The following EEPD1 variants were observed in gnomAD, a reference collection of about 807,000 sequenced individuals.
EEPD1 encodes endonuclease/exonuclease/phosphatase family domain containing 1.
EEPD1 carries 17 observed loss-of-function variants against 46.3 expected under a neutral mutation model. That is an observed-to-expected ratio of 0.37 (90% CI 0.25 to 0.55). The LOEUF is 0.55. Ranked by LOEUF, EEPD1 falls within the 20% of genes least tolerant of loss-of-function variation. The pLI, the probability that EEPD1 is intolerant of heterozygous loss-of-function variation, is 0.83. For synonymous variants in EEPD1, 313 were observed against 315.6 expected (o/e 0.99, Z 0.09); for missense variants, 673 against 745.6 (o/e 0.90, Z 1.13).
At chr7:36,163,371 G>A (rs923020393) in intron 2 of EEPD1, among the ~76,000 whole-genome samples, 6 of 151,870 alleles carry the variant, frequency 4.0e-5, no homozygotes, top group Non-Finnish European at 4.4e-5. Flanking sequence ...ACTCGATGGT[G>A]TACTTTTAGT....
At position 36,282,409 on chromosome 7, in the gene EEPD1, C is replaced by T. The variant is rs139919224; in HGVS notation, c.1041+1184C>T. ...AAAACTCCATGCCTGCATGTTTTCA[C>T]TCTTTGCAAGACACAGTGGGGATCC... On this transcript the variant is annotated intron_variant, in intron 4 of 7. Coordinates refer to ENST00000242108, the MANE Select transcript of EEPD1 (RefSeq NM_030636.3). Among the ~76,000 whole-genome samples the T allele has an allele frequency of 1.4e-4, 21 of 152,334 alleles. No individual in the cohort carries two copies. In the East Asian group the frequency reaches 4.1e-3, roughly 29 times the overall value.
chr7:36,253,700 A>C (rs745680199), intron 3 of EEPD1, among the ~76,000 whole-genome samples: 2 of 151,942 alleles, frequency 1.3e-5, no homozygotes, highest in Non-Finnish European at 1.5e-5. Context: ...GTTCCTCTTC[A>C]CCTCTAGTAA....
intron 5 of EEPD1, among the ~76,000 whole-genome samples, chr7:36,285,530 G>C (rs568401250): frequency 1.3e-5 from 2 of 152,270 alleles, no homozygotes; most frequent in South Asian, 4.1e-4. Context: ...GATGCCCTTG[G>C]GAAGTGTTAA....
At chr7:36,288,082 A>T (rs1787369264) in intron 6 of EEPD1, among the ~76,000 whole-genome samples, 1 of 152,168 alleles carries the variant, frequency 6.6e-6, no homozygotes, top group South Asian at 2.1e-4. Flanking sequence ...AAGACAGCTC[A>T]TCCTGGGACC....
intron 3 of EEPD1, among the ~76,000 whole-genome samples, chr7:36,278,517 G>T (rs1232840704): frequency 6.9e-6 from 1 of 144,042 alleles, no homozygotes; most frequent in Non-Finnish European, 1.5e-5. Context: ...GGTGGGGGGG[G>T]CGCTTCTTAA....
chr7:36,187,597 T>C (rs1255474017), intron 2 of EEPD1, among the ~76,000 whole-genome samples: 1 of 152,246 alleles, frequency 6.6e-6, no homozygotes, highest in African/African-American at 2.4e-5. Context: ...TTTTAAGGCC[T>C]GATAATATTT....
chr7:36,176,181 C>G (rs1271232600), intron 2 of EEPD1, among the ~76,000 whole-genome samples: 1 of 152,194 alleles, frequency 6.6e-6, no homozygotes, highest in Non-Finnish European at 1.5e-5. Context: ...CCTGGCCTCT[C>G]AGGGCAGAAC....
chr7:36,252,992 C>T (rs1036370238), intron 3 of EEPD1, among the ~76,000 whole-genome samples: 1 of 151,380 alleles, frequency 6.6e-6, no homozygotes, highest in African/African-American at 2.4e-5. Flanking sequence ...ATGTTTCTCT[C>T]CTTCTCCTTC....
intron 3 of EEPD1, among the ~76,000 whole-genome samples, chr7:36,270,354 A>G (rs1413445493): frequency 6.6e-6 from 1 of 152,078 alleles, no homozygotes; most frequent in African/African-American, 2.4e-5. Flanking sequence ...ACATGTGCAG[A>G]ACGTGCAGGT....
At chr7:36,266,566 T>C (rs1353203767) in intron 3 of EEPD1, among the ~76,000 whole-genome samples, 1 of 152,266 alleles carries the variant, frequency 6.6e-6, no homozygotes, top group Admixed American at 6.5e-5. Context: ...TTTAAAATTA[T>C]TGATGTATAA....
intron 5 of EEPD1, among the ~76,000 whole-genome samples, chr7:36,287,219 A>G (rs370724483): frequency 8.3e-6 from 1 of 120,370 alleles, no homozygotes; most frequent in South Asian, 3.1e-4. Context: ...CCTGGGTGAC[A>G]GAGTGAGACT....
At chr7:36,209,361 C>T (rs771575694) in intron 2 of EEPD1, among the ~76,000 whole-genome samples, 30 of 152,216 alleles carry the variant, frequency 2.0e-4, no homozygotes, top group Non-Finnish European at 3.5e-4. Context: ...AGGTGGTTTC[C>T]TTTCTCATTG....
chr7:36,209,067 T>G (rs1258549333), intron 2 of EEPD1, among the ~76,000 whole-genome samples: 1 of 152,192 alleles, frequency 6.6e-6, no homozygotes. Context: ...TGTGCCTCAG[T>G]GTTCTCATCT....
chr7:36,200,043 G>T (rs1047779156), intron 2 of EEPD1, among the ~76,000 whole-genome samples: 6 of 152,126 alleles, frequency 3.9e-5, no homozygotes, highest in African/African-American at 1.2e-4. Context: ...CATGTCATGG[G>T]GGTTTGTTGT....
chr7:36,255,995 G>A (rs546195022), intron 3 of EEPD1, among the ~76,000 whole-genome samples: 1 of 152,240 alleles, frequency 6.6e-6, no homozygotes, highest in South Asian at 2.1e-4. Flanking sequence ...CACTGCTTTA[G>A]CTGTGTCCCA....
At chr7:36,186,871 CAT>C (rs1785366119) in intron 2 of EEPD1, among the ~76,000 whole-genome samples, 1 of 152,188 alleles carries the variant, frequency 6.6e-6, no homozygotes, top group East Asian at 1.9e-4. Context: ...TTTGCCACAA[CAT>C]GTGTTTCTGT....
At chr7:36,176,702 A>C (rs1785186233) in intron 2 of EEPD1, among the ~76,000 whole-genome samples, 2 of 152,210 alleles carry the variant, frequency 1.3e-5, no homozygotes, top group South Asian at 4.1e-4. Flanking sequence ...AAAAGATAGT[A>C]TATTGACTTC....
At chr7:36,206,077 C>T (rs928148033) in intron 2 of EEPD1, among the ~76,000 whole-genome samples, 8 of 152,192 alleles carry the variant, frequency 5.3e-5, no homozygotes, top group African/African-American at 1.9e-4. Context: ...CCAGCCCCAC[C>T]CACAGAAGCT....
At chr7:36,195,336 G>A (rs1785559646) in intron 2 of EEPD1, among the ~76,000 whole-genome samples, 1 of 152,196 alleles carries the variant, frequency 6.6e-6, no homozygotes, top group Non-Finnish European at 1.5e-5. Context: ...TGGATGGCTG[G>A]CTCCCTGATG....
Sources: gnomAD v4.1 joint callset for allele counts (sites outside exome capture counted in the v4.1 genomes callset) on GRCh38, gnomAD v4.1.1 for gene constraint, MANE v1.5 for transcripts, NCBI Gene and HGNC (gene_info 2026-07-23, HGNC 2026-07-21) for gene names.